The following CYB5RL variants were observed in gnomAD, a reference collection of about 807,000 sequenced individuals.
CYB5RL encodes NADH-cytochrome b5 reductase-like.
In CYB5RL, 38 loss-of-function variants were observed where a neutral mutation model predicts 37.5. The ratio of observed to expected loss-of-function variants is 1.01; its 90% CI spans 0.78 to 1.33. The LOEUF (loss-of-function observed/expected upper bound fraction) is 1.33. Among genes scored for constraint, CYB5RL ranks in the 40% most tolerant of loss-of-function variants. The pLI, the probability that CYB5RL is intolerant of heterozygous loss-of-function variation, is 0.00. For missense variants in CYB5RL, 388 were observed against 394.4 expected, an observed-to-expected ratio of 0.98 and a Z score of 0.14; for synonymous variants, 141 against 151.9, an observed-to-expected ratio of 0.93 and a Z score of 0.53.
intron 7 of CYB5RL, 66 bp downstream of exon 7, chr1:54,179,083 C>T: frequency 6.5e-7 from 1 of 1,549,046 alleles, no homozygotes; most frequent in African/African-American, 1.4e-5. Flanking sequence ...AGAGCTGGTC[C>T]TCAGGACAGG....
intron 2 of CYB5RL, 76 bp from the exon 3 acceptor site, chr1:54,195,791 G>A: frequency 1.5e-6 from 1 of 654,552 alleles, no homozygotes; most frequent in Non-Finnish European, 2.4e-6. Flanking sequence ...GCAGGTGCCA[G>A]GCTCTGTGCA....
chr1:54,188,656 G>C (rs562744100), intron 4 of CYB5RL, among the ~76,000 whole-genome samples: 2 of 152,238 alleles, frequency 1.3e-5, no homozygotes, highest in South Asian at 2.1e-4. Flanking sequence ...TCCAAATGAG[G>C]AATCCAGTGC....
Position 54,190,849 on chromosome 1 carries a change from G to A in CYB5RL, c.246C>T (p.Ile82=). 6.2e-7 allele frequency: 1 copy of A among 1,609,362 alleles called. No individual in the cohort carries two copies. The highest frequency in any genetic ancestry group is 8.5e-7 in the Non-Finnish European group (1 of 1,178,050). Residue 82 remains isoleucine, a synonymous_variant, in exon 4 of 8, where the codon ATC becomes ATT. Coordinates refer to ENST00000534324, the MANE Select transcript of CYB5RL (RefSeq NM_001031672.4). ...LNPETFVAFC[I]IAMDRLTKDT... ...CCTTAGTGAGCCTGTCCATGGCAATGATGCAGAAGGCCACGAAGGTCTCTG... is the reference window on the plus strand; with the variant it reads ...CCTTAGTGAGCCTGTCCATGGCAATAATGCAGAAGGCCACGAAGGTCTCTG...
intron 1 of CYB5RL, among the ~76,000 whole-genome samples, chr1:54,199,047 A>C (rs969258085): frequency 2.0e-5 from 3 of 152,150 alleles, no homozygotes; most frequent in Non-Finnish European, 4.4e-5. Context: ...TCTGAGCTCT[A>C]TCTTTTCAGT....
rs1256254263 is a variant in CYB5RL, at chr1:54,187,668, A to G, written c.419T>C (p.Phe140Ser). The G allele has an allele frequency of 6.2e-7, 1 of 1,613,920 alleles. No individual in the cohort carries two copies. Among genetic ancestry groups the G allele is most frequent in the East Asian group, 2.2e-5 (1 of 44,878 alleles). Residue 140 changes from phenylalanine (F) to serine (S), a missense_variant, in exon 5 of 8, where the codon TTT (phenylalanine) becomes TCT (serine). By Grantham distance (155) the Phe-to-Ser change is radical (BLOSUM62 -2). Transcript: ENST00000534324. ...TCAACTCACCTTAATTAACACTTCA[A>G]AGTATCCTTCTGCGTTGGCAGGGCT... ...PISPANAEGYFEVLIKCYQMG... is the reference protein window; with the variant it reads ...PISPANAEGYSEVLIKCYQMG...
Position 54,196,187 on chromosome 1 carries a change from T to C in CYB5RL, c.-100+182A>G, listed in dbSNP as rs376259845. ...TCATTGAATTTTAAAAGATATTTTT[T>C]GTTTTGTTTTGTTTTGCTGAGATGA... is the stretch of plus-strand genomic sequence containing the variant. On this transcript the variant is annotated intron_variant, in intron 2 of 7. Coordinates refer to ENST00000534324, the MANE Select transcript of CYB5RL (RefSeq NM_001031672.4). Among the ~76,000 whole-genome samples the C allele has an allele frequency of 2.6e-5, 4 of 152,284 alleles. 1 individual carries two copies. The highest frequency in any genetic ancestry group is 9.6e-5 in the African/African-American group (4 of 41,556).
In CYB5RL at chr1:54,190,810, G is replaced by A; in HGVS notation, c.285C>T (p.Val95=). The change falls in exon 4 of 8, where the codon GTC becomes GTT. Residue 95 remains valine (V), a synonymous_variant. Transcript: ENST00000534324. Reference sequence around the variant, plus strand: ...GGCTGTTCCCGGGTAGAGCAAACCGGACACGGTAGGTGTCCTTAGTGAGCC... The same window carrying A: ...GGCTGTTCCCGGGTAGAGCAAACCGAACACGGTAGGTGTCCTTAGTGAGCC... ...MDRLTKDTYR[V]RFALPGNSQL... is the part of the protein sequence containing the mutation. The A allele has an allele frequency of 6.3e-7, 1 of 1,586,206 alleles. No homozygotes were observed. Among genetic ancestry groups the A allele is most frequent in the Non-Finnish European group, 8.6e-7 (1 of 1,166,616 alleles).
intron 5 of CYB5RL, chr1:54,185,620 GC>G (rs1660268778): frequency 6.6e-6 from 1 of 152,196 alleles, no homozygotes; most frequent in African/African-American, 2.4e-5. Context: ...GAAGTCCCTG[GC>G]TCAACTGGAA....
intron 6 of CYB5RL, 56 bp from the exon 7 acceptor site, chr1:54,179,408 C>A: frequency 6.5e-7 from 1 of 1,544,722 alleles, no homozygotes; most frequent in Non-Finnish European, 8.8e-7. Flanking sequence ...TCACCTTATC[C>A]CCTCTACTAT....
Position 54,179,253 on chromosome 1 carries a change from T to G in CYB5RL, c.640A>C (p.Thr214Pro), listed in dbSNP as rs1212051837. ...AAGGTCTTGAAGCAACCGACCAGAG[T>G]GACAAAAGTCTCGTCATTCTCATTG... ...TDNENDETFVTLVGCFKTFES... is the reference protein window; with the variant it reads ...TDNENDETFVPLVGCFKTFES... The change falls in exon 7 of 8, where the codon ACT (threonine) becomes CCT (proline). Residue 214 changes from threonine (T) to proline (P), a missense_variant. Physicochemically the swap from Thr to Pro is conservative, Grantham distance 38 (BLOSUM62 -1). Coordinates refer to ENST00000534324, the MANE Select transcript of CYB5RL (RefSeq NM_001031672.4). The G allele has an allele frequency of 6.2e-7, 1 of 1,613,780 alleles. No individual in the cohort carries two copies. Among genetic ancestry groups the G allele is most frequent in the Non-Finnish European group, 8.5e-7 (1 of 1,179,832 alleles).
rs1467523731 is a variant in CYB5RL at position 54,169,731 on chromosome 1, C to A, written c.*4888G>T. On this transcript the variant is annotated 3_prime_UTR_variant, in exon 8 of 8. Transcript: ENST00000534324. Reference sequence around the variant, plus strand: ...ATAATATAGTAGACATTGGGGAACTCATTGCCCAGATTTACCAGGGGTTCA... The same window carrying A: ...ATAATATAGTAGACATTGGGGAACTAATTGCCCAGATTTACCAGGGGTTCA... 1 of 152,138 alleles carries A rather than the reference C, an allele frequency of 6.6e-6. No homozygotes were observed. Among genetic ancestry groups the A allele is most frequent in the African/African-American group, 2.4e-5 (1 of 41,420 alleles). 9.4% of individuals were successfully genotyped at this position (152,138 alleles called of 1,614,324 possible).
At chr1:54,184,634 G>A (rs1030809859) in intron 5 of CYB5RL, 4 of 162,894 alleles carry the variant, frequency 2.5e-5, no homozygotes, top group African/African-American at 7.2e-5. Context: ...AGGGAGTGAT[G>A]GGGACTATGA....
intron 6 of CYB5RL, among the ~76,000 whole-genome samples, chr1:54,181,672 C>G (rs1401549525): frequency 1.1e-4 from 17 of 152,198 alleles, no homozygotes; most frequent in Admixed American, 1.1e-3. Flanking sequence ...AATCCAGGAG[C>G]TGGACACGGT....
chr1:54,197,713 C>T (rs1295553039), intron 1 of CYB5RL, among the ~76,000 whole-genome samples: 1 of 152,038 alleles, frequency 6.6e-6, no homozygotes, highest in Non-Finnish European at 1.5e-5. Flanking sequence ...TGGCCCCTTT[C>T]CTAAATTTAA....
intron 6 of CYB5RL, among the ~76,000 whole-genome samples, chr1:54,182,643 G>T (rs1660195589): frequency 6.6e-6 from 1 of 152,084 alleles, no homozygotes; most frequent in Admixed American, 6.5e-5. Flanking sequence ...TCTGCCTTCT[G>T]GGTTCAAATG....
At chr1:54,184,421 A>C (rs1292528286) in intron 5 of CYB5RL, 156 bp from the exon 6 acceptor site, 1 of 637,000 alleles carries the variant, frequency 1.6e-6, no homozygotes, top group South Asian at 2.2e-5. Context: ...TGGTACAGCC[A>C]TTCCCAATTT....
Position 54,170,875 on chromosome 1 carries a change from T to C in CYB5RL, c.*3744A>G, listed in dbSNP as rs1659875584. On this transcript the variant is annotated 3_prime_UTR_variant, in exon 8 of 8. Transcript: ENST00000534324. ...AGTAAATTGGGGTAATAAAATAGCA[T>C]GTATATTGGTGAAGATTCTTGCTTC... The C allele has an allele frequency of 1.9e-5, 6 of 321,308 alleles. No homozygotes were observed. The highest frequency in any genetic ancestry group is 1.1e-4 in the South Asian group (4 of 37,192). 19.9% of individuals were successfully genotyped at this position (321,308 alleles called of 1,614,324 possible).
intron 6 of CYB5RL, chr1:54,179,861 T>C (rs1660113306): frequency 4.5e-6 from 2 of 440,078 alleles, no homozygotes; most frequent in Non-Finnish European, 9.1e-6. Context: ...AGGGCCCACC[T>C]TGGACCTCTG....
At chr1:54,179,481 T>A in intron 6 of CYB5RL, 129 bp from the exon 7 acceptor site, 1 of 877,568 alleles carries the variant, frequency 1.1e-6, no homozygotes, top group Non-Finnish European at 1.7e-6. Flanking sequence ...TCCAACCACC[T>A]ATGTCCCCTC....
Sources: allele counts gnomAD v4.1 joint callset (sites outside exome capture counted in the v4.1 genomes callset), GRCh38; gene constraint gnomAD v4.1.1; transcripts MANE v1.5; gene names NCBI Gene and HGNC (gene_info 2026-07-23, HGNC 2026-07-21).